ANKRD33B: variants seen among roughly 807,000 people sequenced by gnomAD.
ANKRD33B encodes the protein ankyrin repeat domain 33B, also known as ankyrin repeat domain-containing protein 33B.
ANKRD33B carries 6 observed loss-of-function variants against 21.5 expected under a neutral mutation model. The ratio of observed to expected loss-of-function variants is 0.28; its 90% CI spans 0.15 to 0.55. ANKRD33B has a LOEUF of 0.55. Ranked by LOEUF, ANKRD33B falls within the 20% of genes least tolerant of loss-of-function variation. ANKRD33B has a pLI of 0.94. For missense variants in ANKRD33B, 698 were observed against 747.2 expected (o/e 0.93, Z 0.77); for synonymous variants, 347 against 342.4 (o/e 1.01, Z -0.15).
At chr5:10,614,764 G>A (rs990354552) in intron 1 of ANKRD33B, among the ~76,000 whole-genome samples, 6 of 152,132 alleles carry the variant, frequency 3.9e-5, no homozygotes, top group Non-Finnish European at 7.3e-5. Flanking sequence ...GCAGGCACCT[G>A]TAGTCCTAGC....
At chr5:10,642,296 C>T (rs892713871) in intron 3 of ANKRD33B, among the ~76,000 whole-genome samples, 1 of 152,120 alleles carries the variant, frequency 6.6e-6, no homozygotes, top group Non-Finnish European at 1.5e-5. Flanking sequence ...CATTGCTCTT[C>T]CCCCATCAGT....
In ANKRD33B at chr5:10,619,153, C is replaced by CT. The variant is rs1467416715; in HGVS notation, c.496+693dup. 4.4e-5 allele frequency: 10 copies of CT among 227,434 alleles called. No homozygotes were observed. Among genetic ancestry groups the CT allele is most frequent in the South Asian group, 3.2e-4 (2 of 6,258 alleles). 14.1% of individuals were successfully genotyped at this position (227,434 alleles called of 1,614,324 possible). On this transcript the variant is annotated intron_variant, in intron 2 of 3. Coordinates refer to ENST00000296657, the MANE Select transcript of ANKRD33B (RefSeq NM_001164440.2). The surrounding 1 kb of genome is among the most constrained non-coding windows in gnomAD (Gnocchi z 4.5). ...ATCACACTTCATTTGGAACAGTGGT[C>CT]TTGACCAGGTTTATCACTGACCCCT...
chr5:10,584,517 C>T (rs1735511613), intron 1 of ANKRD33B, among the ~76,000 whole-genome samples: 1 of 151,682 alleles, frequency 6.6e-6, no homozygotes, highest in South Asian at 2.1e-4. Flanking sequence ...TGCATTCCAG[C>T]CTGGGAGACA....
Position 10,582,581 on chromosome 5 carries a change from G to A in ANKRD33B, c.366+17748G>A, listed in dbSNP as rs916296641. Among the ~76,000 whole-genome samples, 6 of 152,076 alleles carry A rather than the reference G, an allele frequency of 3.9e-5. No individual in the cohort carries two copies. In the South Asian group the frequency reaches 6.2e-4, roughly 16 times the overall value. On this transcript the variant is annotated intron_variant, in intron 1 of 3. Coordinates refer to ENST00000296657, the MANE Select transcript of ANKRD33B (RefSeq NM_001164440.2). ...TTGTCTTTGGAAACTCTCCCTGCAG[G>A]GCTCCTCCCAACAGTTCTCCAGATG... is the stretch of plus-strand genomic sequence containing the variant.
chr5:10,633,185 T>C (rs1736771011), intron 2 of ANKRD33B, among the ~76,000 whole-genome samples: 1 of 146,242 alleles, frequency 6.8e-6, no homozygotes, highest in African/African-American at 2.5e-5. Flanking sequence ...CACCGCAACC[T>C]CCACCTCCTG....
chr5:10,593,462 C>T (rs1197777541), intron 1 of ANKRD33B, among the ~76,000 whole-genome samples: 2 of 152,166 alleles, frequency 1.3e-5, no homozygotes, highest in African/African-American at 4.8e-5. Flanking sequence ...GGGTCATCTA[C>T]ACATTTGTTG....
intron 1 of ANKRD33B, among the ~76,000 whole-genome samples, chr5:10,577,414 C>T (rs1030906533): frequency 6.6e-6 from 1 of 152,226 alleles, no homozygotes; most frequent in South Asian, 2.1e-4. Context: ...TGAGCCACCG[C>T]GCCCGGCCGC....
chr5:10,586,522 TG>T (rs1735565465), intron 1 of ANKRD33B, among the ~76,000 whole-genome samples: 3 of 150,524 alleles, frequency 2.0e-5, no homozygotes, highest in Non-Finnish European at 4.4e-5. Flanking sequence ...TGTGTGTGTG[TG>T]TGTGTGTGTG....
At chr5:10,617,813 C>T (rs867325355) in intron 1 of ANKRD33B, among the ~76,000 whole-genome samples, 14 of 152,220 alleles carry the variant, frequency 9.2e-5, no homozygotes, top group African/African-American at 3.1e-4. Context: ...CAGGCACAGT[C>T]CTGAGTTGGG....
At chr5:10,638,952 AC>A (rs1736945669) in intron 3 of ANKRD33B, among the ~76,000 whole-genome samples, 1 of 115,434 alleles carries the variant, frequency 8.7e-6, no homozygotes, top group Non-Finnish European at 2.0e-5. Context: ...TTAGCGGGTG[AC>A]GCGGAGTTGC....
Position 10,570,543 on chromosome 5 carries a change from G to A in ANKRD33B, c.366+5710G>A, listed in dbSNP as rs1209116746. On this transcript the variant is annotated intron_variant, in intron 1 of 3. Coordinates refer to ENST00000296657, the MANE Select transcript of ANKRD33B (RefSeq NM_001164440.2). Reference sequence around the variant, plus strand: ...GCATCACTTCTGGCTGCTTTGTCACGTATTGCTTCTTTATTTTATTTTATA... The same window carrying A: ...GCATCACTTCTGGCTGCTTTGTCACATATTGCTTCTTTATTTTATTTTATA... 2.6e-5 allele frequency among the ~76,000 whole-genome samples: 4 copies of A among 151,970 alleles called. No homozygotes were observed. In the South Asian group the frequency reaches 6.2e-4, roughly 24 times the overall value.
chr5:10,564,148 G>T lies in ANKRD33B; in HGVS notation c.-320G>T, dbSNP rs941357435. Among the ~76,000 whole-genome samples, 8 of 152,208 alleles carry T rather than the reference G, an allele frequency of 5.3e-5. No homozygotes were observed. Among genetic ancestry groups the T allele is most frequent in the African/African-American group, 1.9e-4 (8 of 41,568 alleles). On this transcript the variant is annotated 5_prime_UTR_variant, in exon 1 of 4. Transcript: ENST00000296657. Reference sequence around the variant, plus strand: ...TGCCAGGTGCCCAGTCCCCGCGCTCGAGAGAGCGCCTGCCTGGCTCTGAAC... The same window carrying T: ...TGCCAGGTGCCCAGTCCCCGCGCTCTAGAGAGCGCCTGCCTGGCTCTGAAC...
intron 2 of ANKRD33B, among the ~76,000 whole-genome samples, chr5:10,624,320 G>C (rs1485545846): frequency 6.6e-6 from 1 of 151,934 alleles, no homozygotes; most frequent in African/African-American, 2.4e-5. Flanking sequence ...AGCAGAGGCG[G>C]GGTTTCACCA....
At chr5:10,593,737 C>A (rs1159254925) in intron 1 of ANKRD33B, among the ~76,000 whole-genome samples, 1 of 152,094 alleles carries the variant, frequency 6.6e-6, no homozygotes, top group East Asian at 1.9e-4. Context: ...CAACCCCTCA[C>A]CCTGGCTCAA....
intron 1 of ANKRD33B, among the ~76,000 whole-genome samples, chr5:10,592,450 T>TA (rs35660672): frequency 0.066 from 4,581 of 69,064 alleles, 233 homozygotes; most frequent in Non-Finnish European, 0.088. Context: ...CCATCTCTAC[T>TA]AAAAAAAAAA....
chr5:10,653,463 A>T lies in ANKRD33B; in HGVS notation c.*3350A>T, dbSNP rs375294410. On this transcript the variant is annotated 3_prime_UTR_variant, in exon 4 of 4. Transcript: ENST00000296657. ...GCCCAGATGATGGGGAAACAGAGCC[A>T]CCTTGAGGGGGTGTCATGGGGTCAG... 1 of 152,860 alleles carries T rather than the reference A, an allele frequency of 6.5e-6. No homozygotes were observed. Among genetic ancestry groups the T allele is most frequent in the East Asian group, 1.9e-4 (1 of 5,316 alleles). 9.5% of individuals were successfully genotyped at this position (152,860 alleles called of 1,614,324 possible). A position where few individuals can be genotyped will look rare whatever the true frequency, so the allele number is the denominator to read the frequency against.
chr5:10,567,267 C>G (rs1303144024), intron 1 of ANKRD33B, among the ~76,000 whole-genome samples: 1 of 152,234 alleles, frequency 6.6e-6, no homozygotes, highest in Non-Finnish European at 1.5e-5. Context: ...TCCTGAAAAA[C>G]AGCTGAAAGA....
intron 2 of ANKRD33B, among the ~76,000 whole-genome samples, chr5:10,625,410 T>C (rs1437247588): frequency 6.6e-6 from 1 of 152,232 alleles, no homozygotes; most frequent in Non-Finnish European, 1.5e-5. Flanking sequence ...CACACACGTA[T>C]GTATGTGCGC....
intron 1 of ANKRD33B, among the ~76,000 whole-genome samples, chr5:10,614,865 C>T (rs1429733419): frequency 6.6e-6 from 1 of 150,664 alleles, no homozygotes; most frequent in Non-Finnish European, 1.5e-5. Context: ...CCAGCCTGGG[C>T]AACAGAGCAA....
Sources: allele counts gnomAD v4.1 joint callset (sites outside exome capture counted in the v4.1 genomes callset), GRCh38; gene constraint gnomAD v4.1.1; non-coding constraint Gnocchi (gnomAD v3.1); transcripts MANE v1.5; gene names NCBI Gene and HGNC (gene_info 2026-07-23, HGNC 2026-07-21).